The following DOCK1 variants were observed in gnomAD, a reference collection of about 807,000 sequenced individuals.
The protein encoded by DOCK1 is dedicator of cytokinesis 1, also known as dedicator of cytokinesis protein 1.
DOCK1 carries 138 observed loss-of-function variants against 262.7 expected under a neutral mutation model. The observed-to-expected ratio is 0.53, with a 90% confidence interval of 0.46 to 0.61. The LOEUF (loss-of-function observed/expected upper bound fraction) is 0.61, where lower values mean the gene tolerates loss of function less well. Ranked by LOEUF, DOCK1 falls within the 20% of genes least tolerant of loss-of-function variation. The pLI is 0.00. For synonymous variants in DOCK1, 866 were observed against 867.4 expected (o/e 1.00, Z 0.03); for missense variants, 1,908 against 2,370.7 (o/e 0.80, Z 4.05).
intron 29 of DOCK1, among the ~76,000 whole-genome samples, chr10:127,310,772 C>T (rs866146724): frequency 5.9e-5 from 9 of 152,154 alleles, no homozygotes; most frequent in African/African-American, 1.9e-4. Context: ...AGGAAATAAA[C>T]TCCAGTGGGC....
At chr10:127,282,640 C>G (rs555525038) in intron 29 of DOCK1, among the ~76,000 whole-genome samples, 1 of 152,210 alleles carries the variant, frequency 6.6e-6, no homozygotes, top group African/African-American at 2.4e-5. Flanking sequence ...AGCACACACC[C>G]GCCTCTCCGT....
chr10:126,927,378 G>C (rs575584765), intron 1 of DOCK1, among the ~76,000 whole-genome samples: 2 of 152,188 alleles, frequency 1.3e-5, no homozygotes, highest in African/African-American at 2.4e-5. Flanking sequence ...GAACTTTGGA[G>C]TTAGAGGCCG....
intron 23 of DOCK1, among the ~76,000 whole-genome samples, chr10:127,070,250 C>CTT (rs71032535): frequency 0.41 from 37,720 of 92,992 alleles, 8,956 homozygotes; most frequent in East Asian, 0.55. Context: ...GAATTTAGCC[C>CTT]TTTTTTTTTT....
intron 29 of DOCK1, among the ~76,000 whole-genome samples, chr10:127,263,868 G>A (rs1419988769): frequency 2.0e-5 from 3 of 152,166 alleles, no homozygotes; most frequent in Admixed American, 6.5e-5. Flanking sequence ...GTTTGCCTTC[G>A]TGCTCCAGTA....
intron 23 of DOCK1, among the ~76,000 whole-genome samples, chr10:127,082,808 G>C (rs551797461): frequency 4.6e-5 from 7 of 152,082 alleles, no homozygotes; most frequent in African/African-American, 1.7e-4. Context: ...TGGGGAGCCC[G>C]ATTCCCTCCT....
At chr10:127,156,455 T>C (rs2053054465) in intron 27 of DOCK1, among the ~76,000 whole-genome samples, 1 of 152,174 alleles carries the variant, frequency 6.6e-6, no homozygotes, top group Non-Finnish European at 1.5e-5. Flanking sequence ...AAGAGGAATC[T>C]TCCAGGACCT....
intron 33 of DOCK1, among the ~76,000 whole-genome samples, chr10:127,366,006 A>G (rs1469103988): frequency 5.9e-5 from 9 of 152,214 alleles, no homozygotes; most frequent in Non-Finnish European, 7.3e-5. Context: ...TCTCATAAAC[A>G]ACAAACTATT....
intron 29 of DOCK1, among the ~76,000 whole-genome samples, chr10:127,314,579 T>C (rs2062193092): frequency 6.6e-6 from 1 of 151,510 alleles, no homozygotes; most frequent in Non-Finnish European, 1.5e-5. Context: ...CAAAACCTCA[T>C]AGATCCTGTT....
chr10:127,323,137 G>A (rs759457574), intron 29 of DOCK1, among the ~76,000 whole-genome samples: 4 of 152,166 alleles, frequency 2.6e-5, no homozygotes, highest in Non-Finnish European at 4.4e-5. Flanking sequence ...TCTGGCATCC[G>A]AGCTGGTGTT....
At chr10:127,149,317 G>C (rs1316604126) in intron 27 of DOCK1, among the ~76,000 whole-genome samples, 1 of 152,136 alleles carries the variant, frequency 6.6e-6, no homozygotes, top group Non-Finnish European at 1.5e-5. Flanking sequence ...AGGCTCTCAC[G>C]GGCTGATGTT....
chr10:127,279,661 G>A (rs930309926), intron 29 of DOCK1, among the ~76,000 whole-genome samples: 5 of 152,200 alleles, frequency 3.3e-5, no homozygotes, highest in Admixed American at 1.3e-4. Context: ...TTTTCACAAC[G>A]CACTTTGGAA....
At chr10:127,325,731 A>G (rs1281836851) in intron 29 of DOCK1, among the ~76,000 whole-genome samples, 1 of 152,258 alleles carries the variant, frequency 6.6e-6, no homozygotes, top group Non-Finnish European at 1.5e-5. Context: ...TGATATGAAA[A>G]GGCAGCAGAT....
At chr10:127,081,249 G>A (rs1162029183) in intron 23 of DOCK1, among the ~76,000 whole-genome samples, 1 of 152,048 alleles carries the variant, frequency 6.6e-6, no homozygotes, top group Non-Finnish European at 1.5e-5. Context: ...TGGTGCAGAG[G>A]CCACTTGTTT....
In DOCK1 at chr10:127,148,572, C is replaced by T. The variant is rs145106153; in HGVS notation, c.2847+20808C>T. Among the ~76,000 whole-genome samples the T allele has an allele frequency of 9.2e-4, 140 of 152,202 alleles. 1 individual carries two copies. The highest frequency in any genetic ancestry group is 7.0e-3 in the East Asian group (36 of 5,170). Reference sequence around the variant, plus strand: ...GCGAAGGAGAGAATGGCTGGTTTGCCGATGATGTTTCATTGTTCCTTTCTG... The same window carrying T: ...GCGAAGGAGAGAATGGCTGGTTTGCTGATGATGTTTCATTGTTCCTTTCTG... On this transcript the variant is annotated intron_variant, in intron 27 of 51. Transcript: ENST00000623213.
chr10:127,436,233 A>G (rs1033341432), intron 48 of DOCK1, among the ~76,000 whole-genome samples: 5 of 152,228 alleles, frequency 3.3e-5, no homozygotes, highest in Non-Finnish European at 7.3e-5. Context: ...GAAAAATGTC[A>G]AAGCTGAGTA....
intron 29 of DOCK1, among the ~76,000 whole-genome samples, chr10:127,278,371 C>A (rs970406758): frequency 6.6e-6 from 1 of 151,828 alleles, no homozygotes; most frequent in Non-Finnish European, 1.5e-5. Flanking sequence ...TTGGTGAGCT[C>A]CCAGGTCCTC....
chr10:127,194,393 T>G (rs2056955571), intron 27 of DOCK1, among the ~76,000 whole-genome samples: 1 of 152,216 alleles, frequency 6.6e-6, no homozygotes, highest in South Asian at 2.1e-4. Flanking sequence ...TTGTGCATGT[T>G]TGCTAATCAT....
At chr10:126,998,381 G>A (rs961934317) in intron 8 of DOCK1, 132 bp downstream of exon 8, 22 of 1,261,036 alleles carry the variant, frequency 1.7e-5, no homozygotes, top group Middle Eastern at 2.7e-4. Context: ...GCAAGCAGCC[G>A]AGTCAAGAGC....
intron 10 of DOCK1, 140 bp downstream of exon 10, chr10:127,000,447 A>T: frequency 7.8e-7 from 1 of 1,274,562 alleles, no homozygotes. Flanking sequence ...TATATTTATT[A>T]GTTATTTTCA....
Sources: gnomAD v4.1 joint callset for allele counts (sites outside exome capture counted in the v4.1 genomes callset) on GRCh38, gnomAD v4.1.1 for gene constraint, MANE v1.5 for transcripts, NCBI Gene and HGNC (gene_info 2026-07-23, HGNC 2026-07-21) for gene names.